The following PLA2G6 variants were observed in gnomAD, a reference collection of about 807,000 sequenced individuals.
PLA2G6 encodes the protein 85/88 kDa calcium-independent phospholipase A2.
Under a neutral mutation model 83.8 loss-of-function variants are expected in PLA2G6, and 62 were observed. The ratio of observed to expected loss-of-function variants is 0.74; its 90% CI spans 0.60 to 0.91. PLA2G6 has a LOEUF of 0.91. PLA2G6 is among the 40% of genes least tolerant of loss of function. The pLI is 0.00. For synonymous variants in PLA2G6, 417 were observed against 449.8 expected (o/e 0.93, Z 0.92); for missense variants, 944 against 1,102.0 (o/e 0.86, Z 2.03).
intron 1 of PLA2G6, among the ~76,000 whole-genome samples, chr22:38,179,369 G>A (rs1359515789): frequency 6.6e-6 from 1 of 152,302 alleles, no homozygotes; most frequent in East Asian, 1.9e-4. Flanking sequence ...GCTTTGACCT[G>A]AGCAACTGAA....
rs73884623 is a variant in PLA2G6, at chr22:38,163,943, G to T, written c.209+5275C>A. Among the ~76,000 whole-genome samples the T allele has an allele frequency of 5.3e-3, 799 of 152,156 alleles. 5 individuals are homozygous for T. Among genetic ancestry groups the T allele is most frequent in the African/African-American group, 0.018 (748 of 41,496 alleles). ...TTATGGCAAAGTCCCAGTCCAGAGAGCCTCAAAAGTCAGCTCCCGGTAGGG... is the reference window on the plus strand; with the variant it reads ...TTATGGCAAAGTCCCAGTCCAGAGATCCTCAAAAGTCAGCTCCCGGTAGGG... On this transcript the variant is annotated intron_variant, in intron 2 of 16. Transcript: ENST00000332509.
At chr22:38,140,606 A>C (rs2088848043) in intron 4 of PLA2G6, 1 of 211,486 alleles carries the variant, frequency 4.7e-6, no homozygotes, top group Non-Finnish European at 9.8e-6. Context: ...CACATGAAAC[A>C]TTTCTGAGTC....
chr22:38,128,354 G>T lies in PLA2G6; in HGVS notation c.1263C>A (p.Val421=). Residue 421 remains valine (V), a synonymous_variant, in exon 9 of 17, where the codon GTC becomes GTA. Transcript: ENST00000332509. The surrounding 1 kb of genome is among the most constrained non-coding windows in gnomAD (Gnocchi z 4.4). ...GCGCTGCAGAGCCCTGCTCCGCGGG[G>T]ACCCCGTGGATGGGTGGGAAGCAGT... ...AEYCFPPIHG[V]PAEQGSAAPH... is the part of the protein sequence containing the mutation. 3.1e-6 allele frequency: 5 copies of T among 1,613,852 alleles called. No homozygotes were observed. Among genetic ancestry groups the T allele is most frequent in the Non-Finnish European group, 4.2e-6 (5 of 1,179,996 alleles).
rs1287546656 is a variant in PLA2G6 at position 38,132,310 on chromosome 22, T to C, written c.1077+521A>G. The C allele has an allele frequency of 1.5e-4, 48 of 328,634 alleles. 1 individual carries two copies. The highest frequency in any genetic ancestry group is 2.3e-4 in the Non-Finnish European group (39 of 167,882). The allele number at this position is 328,634 out of a possible 1,614,324, so 20.4% of individuals were successfully genotyped here. On this transcript the variant is annotated intron_variant, in intron 7 of 16. Transcript: ENST00000332509. This position sits in a 1 kb window ranked among gnomAD's most constrained non-coding sequence, Gnocchi z 5.0. ...CTGGGCTGCACACTCAGGCTTTGCC[T>C]GCCAGGATCTTACAGCCTCCCAGGG... is the stretch of plus-strand genomic sequence containing the variant.
Position 38,132,063 on chromosome 22 carries a change from C to T in PLA2G6, c.1077+768G>A, listed in dbSNP as rs1315195570. 1.1e-5 allele frequency: 5 copies of T among 444,250 alleles called. No homozygotes were observed. The Admixed American group carries it at 1.2e-4, about 11-fold the overall frequency. The allele number at this position is 444,250 out of a possible 1,614,324, so 27.5% of individuals were successfully genotyped here. On this transcript the variant is annotated intron_variant, in intron 7 of 16. Coordinates refer to ENST00000332509, the MANE Select transcript of PLA2G6 (RefSeq NM_003560.4). The surrounding 1 kb of genome is among the most constrained non-coding windows in gnomAD (Gnocchi z 5.0). ...CTGGGAGGCGGAGGTTGTGGTGAGC[C>T]GAGATCGCGCCACTGCACTCCAGCC...
intron 2 of PLA2G6, among the ~76,000 whole-genome samples, chr22:38,153,482 A>C (rs2089656448): frequency 1.3e-5 from 2 of 152,090 alleles, no homozygotes; most frequent in African/African-American, 4.8e-5. Flanking sequence ...TAATTGAAAA[A>C]AAAAGTAGCC....
intron 2 of PLA2G6, among the ~76,000 whole-genome samples, chr22:38,151,867 G>C (rs1389362171): frequency 6.6e-6 from 1 of 152,166 alleles, no homozygotes; most frequent in Non-Finnish European, 1.5e-5. Flanking sequence ...TGCCCCGCTT[G>C]TTGTTGTCAA....
chr22:38,141,557 C>G (rs981224237), intron 4 of PLA2G6: 1 of 151,580 alleles, frequency 6.6e-6, no homozygotes, highest in African/African-American at 2.5e-5. Context: ...AAGCCCCACT[C>G]TCTCAGCTTT....
intron 2 of PLA2G6, chr22:38,146,738 T>C (rs1487644754): frequency 6.6e-6 from 1 of 151,636 alleles, no homozygotes; most frequent in Non-Finnish European, 1.5e-5. Flanking sequence ...GTCATTAAAA[T>C]GAGATATTTA....
chr22:38,140,225 A>T (rs1433121632), intron 4 of PLA2G6, 56 bp from the exon 5 acceptor site: 1 of 1,552,670 alleles, frequency 6.4e-7, no homozygotes, highest in South Asian at 1.1e-5. Flanking sequence ...GAACGTAAAG[A>T]GGCCGGGCGC....
chr22:38,121,013 C>A (rs1004754010), intron 11 of PLA2G6, 104 bp from the exon 12 acceptor site: 3 of 1,414,936 alleles, frequency 2.1e-6, no homozygotes, highest in Middle Eastern at 1.9e-4. Context: ...CAGGAGGAAG[C>A]GGGTTTACCG....
intron 2 of PLA2G6, among the ~76,000 whole-genome samples, chr22:38,151,812 G>A (rs1369234040): frequency 2.6e-5 from 4 of 152,198 alleles, no homozygotes; most frequent in Non-Finnish European, 5.9e-5. Flanking sequence ...GATAAATCTC[G>A]TAATCTCTAA....
chr22:38,172,031 T>G (rs1260588238), intron 1 of PLA2G6, among the ~76,000 whole-genome samples: 2 of 152,014 alleles, frequency 1.3e-5, no homozygotes, highest in Non-Finnish European at 2.9e-5. Flanking sequence ...TCCCTCACTT[T>G]AAACACATCT....
intron 4 of PLA2G6, 43 bp downstream of exon 4, chr22:38,143,062 G>A (rs769845705): frequency 4.1e-5 from 64 of 1,579,800 alleles, no homozygotes; most frequent in Non-Finnish European, 5.2e-5. Context: ...CGTGGACACC[G>A]GGAGGTATCA....
intron 6 of PLA2G6, chr22:38,133,494 G>C (rs540754335): frequency 5.4e-6 from 1 of 185,854 alleles, no homozygotes; most frequent in Admixed American, 5.4e-5. Context: ...GCCTGCGCTT[G>C]GATGGGTCAC....
Position 38,143,304 on chromosome 22 carries a change from A to T in PLA2G6, c.426-16T>A. The T allele has an allele frequency of 1.2e-6, 2 of 1,608,198 alleles. No homozygotes were observed. Among genetic ancestry groups the T allele is most frequent in the Non-Finnish European group, 1.7e-6 (2 of 1,179,878 alleles). On this transcript the variant is annotated splice_polypyrimidine_tract_variant and intron_variant, in intron 3 of 16. Transcript: ENST00000332509. Reference sequence around the variant, plus strand: ...ATTGGCACAGCTGCAGGAGAGGGCCAGGGTGAGCAGAGGTGAGCAGGTGTG... The same window carrying T: ...ATTGGCACAGCTGCAGGAGAGGGCCTGGGTGAGCAGAGGTGAGCAGGTGTG...
At position 38,143,204 on chromosome 22, in the gene PLA2G6, C is replaced by T. The variant is rs751696120; in HGVS notation, c.510G>A (p.Glu170=). Reference sequence around the variant, plus strand: ...TCTGAGTGTGGCAGTACTGCACCAGCTCCACCAGGATCTCCCCATCACCCT... The same window carrying T: ...TCTGAGTGTGGCAGTACTGCACCAGTTCCACCAGGATCTCCCCATCACCCT... ...CRKGDGEILV[E]LVQYCHTQMD... The change falls in exon 4 of 17, where the codon GAG becomes GAA. Residue 170 remains glutamate, a synonymous_variant. Transcript: ENST00000332509. The T allele has an allele frequency of 2.2e-5, 35 of 1,614,068 alleles. 1 individual carries two copies. The highest frequency in any genetic ancestry group is 2.9e-5 in the Non-Finnish European group (34 of 1,180,024).
At chr22:38,154,853 C>T (rs566062897) in intron 2 of PLA2G6, among the ~76,000 whole-genome samples, 2 of 152,262 alleles carry the variant, frequency 1.3e-5, no homozygotes, top group South Asian at 4.1e-4. Context: ...TTTGAGGGAA[C>T]TCAGTGAAAT....
Position 38,120,871 on chromosome 22 carries a change from T to C in PLA2G6, c.1630A>G (p.Met544Val). Residue 544 changes from methionine (M) to valine (V), a missense_variant, in exon 12 of 17, where the codon ATG (methionine) becomes GTG (valine). Met to Val is a conservative substitution (Grantham distance 21). Transcript: ENST00000332509. Reference protein sequence around the residue: ...MAYMRGMYFRMKDEVFRGSRP... With the variant: ...MAYMRGMYFRVKDEVFRGSRP... ...GAGCCCCGGAACACCTCATCCTTCA[T>C]GCGAAAGTACATGCCGCGCATGTAG... 2 of 1,613,774 alleles carry C rather than the reference T, an allele frequency of 1.2e-6. No homozygotes were observed. The highest frequency in any genetic ancestry group is 1.7e-6 in the Non-Finnish European group (2 of 1,180,002).
Sources: allele counts gnomAD v4.1 joint callset (sites outside exome capture counted in the v4.1 genomes callset), GRCh38; gene constraint gnomAD v4.1.1; non-coding constraint Gnocchi (gnomAD v3.1); transcripts MANE v1.5; gene names NCBI Gene and HGNC (gene_info 2026-07-23, HGNC 2026-07-21).